The following THRAP3 variants were observed in gnomAD, a reference collection of about 807,000 sequenced individuals.
THRAP3 encodes the protein thyroid hormone receptor-associated protein 3.
A neutral mutation model predicts 101.0 loss-of-function variants in THRAP3; 16 were observed. That is an observed-to-expected ratio of 0.16 (90% CI 0.11 to 0.24). The LOEUF is 0.24. Among genes scored for constraint, THRAP3 ranks in the 10% least tolerant of loss-of-function variants. THRAP3 has a pLI of 1.00. For synonymous variants in THRAP3, 407 were observed against 422.6 expected (o/e 0.96, Z 0.45); for missense variants, 989 against 1,202.7 (o/e 0.82, Z 2.63).
chr1:36,245,439 G>A (rs1343321025), intron 1 of THRAP3, among the ~76,000 whole-genome samples: 3 of 152,092 alleles, frequency 2.0e-5, no homozygotes, highest in African/African-American at 7.2e-5. Flanking sequence ...AGAGTGCTGG[G>A]ATTTTAGATG....
intron 2 of THRAP3, among the ~76,000 whole-genome samples, chr1:36,261,456 C>T (rs1645444900): frequency 6.6e-6 from 1 of 152,142 alleles, no homozygotes; most frequent in Non-Finnish European, 1.5e-5. Context: ...TGGCGTGAAC[C>T]CGGGAGGCGG....
intron 1 of THRAP3, among the ~76,000 whole-genome samples, chr1:36,231,889 T>A (rs750100342): frequency 2.6e-5 from 4 of 152,138 alleles, no homozygotes; most frequent in Non-Finnish European, 5.9e-5. Flanking sequence ...GAGGAATTGG[T>A]CAGATTCCGG....
At position 36,304,290 on chromosome 1, in the gene THRAP3, G is replaced by T; in HGVS notation, c.*273G>T. 3.1e-6 allele frequency: 1 copy of T among 323,274 alleles called. No homozygotes were observed. Among genetic ancestry groups the T allele is most frequent in the Non-Finnish European group, 5.6e-6 (1 of 177,386 alleles). The allele number at this position is 323,274 out of a possible 1,614,324, so 20.0% of individuals were successfully genotyped here. On this transcript the variant is annotated 3_prime_UTR_variant, in exon 12 of 12. Transcript: ENST00000354618. ...TTTTTCTCATTTGTTGGTGTGTGGG[G>T]TGGGGGCAGGGGTAGGGCGGGAGAG...
chr1:36,256,601 G>C (rs946927306), intron 1 of THRAP3, among the ~76,000 whole-genome samples: 2 of 152,130 alleles, frequency 1.3e-5, no homozygotes, highest in Non-Finnish European at 2.9e-5. Context: ...CCACGCAGCA[G>C]CGAGCATGTA....
chr1:36,219,084 A>G, the THRAP3 span, among the ~76,000 whole-genome samples: 3 of 151,688 alleles, frequency 2.0e-5, no homozygotes, highest in African/African-American at 7.3e-5. Context: ...AATGAATTTG[A>G]TAAGAAGGCA....
chr1:36,287,034 C>T lies in THRAP3; in HGVS notation c.804C>T (p.Ser268=), dbSNP rs779238812. The stretch of plus-strand genomic sequence containing the variant: ...TGAGGCGGCGGTCACCCCGTCCTAG[C>T]CCCGTGCCAAAACCTAGTCCTCCAC... The part of the protein sequence containing the change: ...VVVRRRSPRP[S]PVPKPSPPLS... Residue 268 remains serine, a synonymous_variant, in exon 4 of 12, where the codon AGC becomes AGT. Coordinates refer to ENST00000354618, the MANE Select transcript of THRAP3 (RefSeq NM_005119.4). The T allele has an allele frequency of 2.7e-5, 44 of 1,613,690 alleles. No homozygotes were observed. The highest frequency in any genetic ancestry group is 3.7e-5 in the Non-Finnish European group (44 of 1,179,788).
chr1:36,214,461 C>T, the THRAP3 span, among the ~76,000 whole-genome samples: 14 of 152,288 alleles, frequency 9.2e-5, no homozygotes, highest in East Asian at 7.7e-4. Flanking sequence ...GCCATTGTCT[C>T]GTCTCATCTG....
intron 1 of THRAP3, among the ~76,000 whole-genome samples, chr1:36,255,535 G>A (rs1645361994): frequency 6.6e-6 from 1 of 152,080 alleles, no homozygotes; most frequent in Admixed American, 6.6e-5. Flanking sequence ...TTGGGAGGCT[G>A]AGGTGGGCGG....
Position 36,287,196 on chromosome 1 carries a change from A to G in THRAP3, c.966A>G (p.Pro322=). The change falls in exon 4 of 12, where the codon CCA becomes CCG. Residue 322 remains proline, a synonymous_variant. Transcript: ENST00000354618. The stretch of plus-strand genomic sequence containing the variant: ...AGAGCCCTGTGGGTAAGAGTCCACC[A>G]TCCACTGGCTCCACATATGGCTCAT... The part of the protein sequence containing the change: ...SKKSPVGKSP[P]STGSTYGSSQ... 1 of 1,614,134 alleles carries G rather than the reference A, an allele frequency of 6.2e-7. No individual in the cohort carries two copies. Among genetic ancestry groups the G allele is most frequent in the Non-Finnish European group, 8.5e-7 (1 of 1,180,028 alleles).
At chr1:36,238,006 T>C (rs919747159) in intron 1 of THRAP3, among the ~76,000 whole-genome samples, 2 of 152,042 alleles carry the variant, frequency 1.3e-5, no homozygotes, top group African/African-American at 4.8e-5. Context: ...AATTTTTTTT[T>C]CTTTTTTTTA....
chr1:36,274,101 C>CAG (rs1283668284), intron 2 of THRAP3, among the ~76,000 whole-genome samples: 1 of 123,752 alleles, frequency 8.1e-6, no homozygotes, highest in African/African-American at 3.0e-5. Context: ...CACACACACA[C>CAG]ACACACAGAC....
chr1:36,283,441 CT>C (rs1645757926), intron 3 of THRAP3, among the ~76,000 whole-genome samples: 1 of 152,118 alleles, frequency 6.6e-6, no homozygotes, highest in Non-Finnish European at 1.5e-5. Context: ...TTTAAACTTT[CT>C]TTTGTGGATA....
intron 2 of THRAP3, among the ~76,000 whole-genome samples, chr1:36,271,887 C>T (rs1484301970): frequency 6.6e-6 from 1 of 152,028 alleles, no homozygotes; most frequent in African/African-American, 2.4e-5. Context: ...AGCCACCGCA[C>T]CCGGCCTAAT....
chr1:36,289,832 C>G, intron 5 of THRAP3, 68 bp downstream of exon 5: 4 of 1,514,656 alleles, frequency 2.6e-6, no homozygotes, highest in South Asian at 2.7e-5. Context: ...GCCTTTCTCC[C>G]TGGGGACATT....
At position 36,272,157 on chromosome 1, in the gene THRAP3, C is replaced by T. The variant is rs145794687; in HGVS notation, c.-31-10376C>T. On this transcript the variant is annotated intron_variant, in intron 2 of 11. Coordinates refer to ENST00000354618, the MANE Select transcript of THRAP3 (RefSeq NM_005119.4). ...TTAGCCTCCCAAAGTGCTGGGATTACAGGTTTGAGTCACCACGCCCAGCCT... is the reference window on the plus strand; with the variant it reads ...TTAGCCTCCCAAAGTGCTGGGATTATAGGTTTGAGTCACCACGCCCAGCCT... 3.9e-5 allele frequency among the ~76,000 whole-genome samples: 6 copies of T among 152,266 alleles called. No homozygotes were observed. In the East Asian group the frequency reaches 1.2e-3, roughly 29 times the overall value.
the THRAP3 span, among the ~76,000 whole-genome samples, chr1:36,208,599 A>G: frequency 2.6e-5 from 4 of 152,168 alleles, no homozygotes; most frequent in African/African-American, 9.7e-5. Context: ...TACTGAATAA[A>G]CCATAGTAAT....
intron 1 of THRAP3, among the ~76,000 whole-genome samples, chr1:36,256,158 C>T (rs1251314511): frequency 1.3e-5 from 2 of 150,502 alleles, no homozygotes; most frequent in Non-Finnish European, 3.0e-5. Flanking sequence ...TTGGGGTTAT[C>T]GTTGTAAGCC....
intron 1 of THRAP3, among the ~76,000 whole-genome samples, chr1:36,234,187 C>T (rs1645060273): frequency 6.6e-6 from 1 of 152,148 alleles, no homozygotes; most frequent in Non-Finnish European, 1.5e-5. Context: ...ACTCCTTCCT[C>T]AGCTTCCCAA....
At chr1:36,218,351 C>T in the THRAP3 span, among the ~76,000 whole-genome samples, 1 of 143,496 alleles carries the variant, frequency 7.0e-6, no homozygotes, top group Non-Finnish European at 1.5e-5. Flanking sequence ...GAGATTGCAT[C>T]ACTCAGTGAG....
Sources: allele counts gnomAD v4.1 joint callset (sites outside exome capture counted in the v4.1 genomes callset), GRCh38; gene constraint gnomAD v4.1.1; transcripts MANE v1.5; gene names NCBI Gene and HGNC (gene_info 2026-07-23, HGNC 2026-07-21).